The following UCK2 variants were observed in gnomAD, a reference collection of about 807,000 sequenced individuals.
The protein encoded by UCK2 is uridine-cytidine kinase 2, also known as cytidine monophosphokinase 2.
A neutral mutation model predicts 30.8 loss-of-function variants in UCK2; 6 were observed. That is an observed-to-expected ratio of 0.19 (90% CI 0.11 to 0.38). UCK2 has a LOEUF of 0.38. Among genes scored for constraint, UCK2 ranks in the 10% least tolerant of loss-of-function variants. The probability of loss-of-function intolerance (pLI) is 1.00; values close to 1 mark genes in which losing one functional copy is unlikely to be tolerated. For missense variants in UCK2, 210 were observed against 339.8 expected (o/e 0.62, Z 3.00); for synonymous variants, 125 against 133.6 (o/e 0.94, Z 0.45).
rs1647724062 is a variant in UCK2 at position 165,907,854 on chromosome 1, C to G, written c.*31C>G. 5 of 1,611,142 alleles carry G rather than the reference C, an allele frequency of 3.1e-6. No individual in the cohort carries two copies. The East Asian group carries it at 8.9e-5, about 29-fold the overall frequency. ...CTCCATCGGACCCCAGCCCCTATCT[C>G]CAAGAGACAGAGGAGGGGTCAGGAG... On this transcript the variant is annotated 3_prime_UTR_variant, in exon 7 of 7. Transcript: ENST00000367879.
At chr1:165,892,937 T>G (rs987179060) in intron 3 of UCK2, among the ~76,000 whole-genome samples, 1 of 151,674 alleles carries the variant, frequency 6.6e-6, no homozygotes. Context: ...TGGGAGTGGG[T>G]GTGTGGGAAG....
intron 1 of UCK2, among the ~76,000 whole-genome samples, chr1:165,852,807 G>C (rs1187670697): frequency 3.9e-5 from 6 of 152,064 alleles, no homozygotes; most frequent in Non-Finnish European, 8.8e-5. Context: ...AGAATGGGTG[G>C]GTATGTGGAC....
intron 4 of UCK2, chr1:165,900,406 G>C (rs903346416): frequency 2.6e-5 from 4 of 152,210 alleles, no homozygotes; most frequent in African/African-American, 9.7e-5. Flanking sequence ...AGGAACTTAA[G>C]ATTCAAAGAG....
intron 1 of UCK2, among the ~76,000 whole-genome samples, chr1:165,845,699 G>C (rs1246667611): frequency 6.6e-6 from 1 of 152,114 alleles, no homozygotes; most frequent in Non-Finnish European, 1.5e-5. Flanking sequence ...ACACAGTCTC[G>C]CTCTGTTGCC....
In UCK2 at chr1:165,909,661, G is replaced by T. The variant is rs559340258; in HGVS notation, c.*1838G>T. On this transcript the variant is annotated 3_prime_UTR_variant, in exon 7 of 7. Coordinates refer to ENST00000367879, the MANE Select transcript of UCK2 (RefSeq NM_012474.5). ...AGCCGCCTACTTGGAGCAAGGGAAG[G>T]CTCCCAAGATGCCTCCTTTGAAAGC... is the stretch of plus-strand genomic sequence containing the variant. 6.6e-6 allele frequency: 1 copy of T among 152,310 alleles called. No homozygotes were observed. Among genetic ancestry groups the T allele is most frequent in the Non-Finnish European group, 1.5e-5 (1 of 68,108 alleles). 9.4% of individuals were successfully genotyped at this position (152,310 alleles called of 1,614,324 possible).
intron 1 of UCK2, among the ~76,000 whole-genome samples, chr1:165,845,168 C>T (rs1001710931): frequency 2.0e-5 from 3 of 152,078 alleles, no homozygotes; most frequent in Admixed American, 6.6e-5. Context: ...CCAGGTAGAT[C>T]GTGTCAGAAT....
At chr1:165,868,137 T>C (rs1655093847) in intron 1 of UCK2, among the ~76,000 whole-genome samples, 1 of 152,216 alleles carries the variant, frequency 6.6e-6, no homozygotes, top group African/African-American at 2.4e-5. Flanking sequence ...GGAATCTTTT[T>C]TTATGAGCAA....
chr1:165,900,908 C>T (rs1342551807), intron 4 of UCK2, among the ~76,000 whole-genome samples: 3 of 152,202 alleles, frequency 2.0e-5, no homozygotes, highest in Non-Finnish European at 4.4e-5. Flanking sequence ...TGTTTTTTCC[C>T]TAGCTCTGAT....
intron 1 of UCK2, among the ~76,000 whole-genome samples, chr1:165,885,650 T>C (rs1042938366): frequency 5.3e-5 from 8 of 152,234 alleles, no homozygotes; most frequent in African/African-American, 1.9e-4. Flanking sequence ...TCAGTTTGCC[T>C]GTGAGACAGC....
intron 2 of UCK2, 108 bp downstream of exon 2, chr1:165,890,471 C>CAAGTCCCTACGTTCTAGA: frequency 8.6e-7 from 1 of 1,162,086 alleles, no homozygotes; most frequent in Non-Finnish European, 1.2e-6. Context: ...TTGTTTCTAT[C>CAAGTCCCTACGTTCTAGA]TAGAACGTAG....
chr1:165,863,394 G>T (rs1419569598), intron 1 of UCK2, among the ~76,000 whole-genome samples: 1 of 152,174 alleles, frequency 6.6e-6, no homozygotes, highest in Non-Finnish European at 1.5e-5. Context: ...TTCAGTTTTA[G>T]ATTTGCAGCA....
Position 165,907,768 on chromosome 1 carries a change from G to A in UCK2, c.731G>A (p.Gly244Asp). 6.2e-7 allele frequency: 1 copy of A among 1,614,100 alleles called. No homozygotes were observed. Among genetic ancestry groups the A allele is most frequent in the South Asian group, 1.1e-5 (1 of 91,074 alleles). Residue 244 changes from glycine to aspartate, a missense_variant, in exon 7 of 7, where the codon GGC (glycine) becomes GAC (aspartate). Physicochemically the swap from Gly to Asp is moderately conservative, Grantham distance 94. Coordinates refer to ENST00000367879, the MANE Select transcript of UCK2 (RefSeq NM_012474.5). ...CGGCAGACCAATGGCTGTCTCAACG[G>A]CTACACCCCTTCACGCAAGAGGCAG... ...SKRQTNGCLN[G>D]YTPSRKRQAS...
intron 1 of UCK2, among the ~76,000 whole-genome samples, chr1:165,848,559 C>CG (rs140041327): frequency 0.026 from 4,016 of 151,882 alleles, 181 homozygotes; most frequent in African/African-American, 0.092. Context: ...TTGAACCCAC[C>CG]GAGGCGGAGG....
chr1:165,903,372 C>G (rs1647545115), intron 5 of UCK2, 93 bp downstream of exon 5: 2 of 1,010,358 alleles, frequency 2.0e-6, no homozygotes, highest in East Asian at 5.1e-5. Context: ...GCTCCCCTGC[C>G]TGAATCTCAC....
At chr1:165,905,854 T>G (rs1450577449) in intron 5 of UCK2, 67 bp from the exon 6 acceptor site, 1 of 1,484,420 alleles carries the variant, frequency 6.7e-7, no homozygotes, top group African/African-American at 1.4e-5. Context: ...CCATATTCCC[T>G]TGGAGAGGGT....
At chr1:165,890,403 G>A in intron 2 of UCK2, 40 bp downstream of exon 2, 2 of 1,590,292 alleles carry the variant, frequency 1.3e-6, no homozygotes, top group Non-Finnish European at 1.7e-6. Flanking sequence ...CTGTATTGGT[G>A]TGTTGGGGGG....
At position 165,876,717 on chromosome 1, in the gene UCK2, C is replaced by T. The variant is rs145796493; in HGVS notation, c.100-13487C>T. ...GATGACTTAAAATGACAGATTCATT[C>T]TCTTATAGTGCTGGAGGCTGTAAGA... On this transcript the variant is annotated intron_variant, in intron 1 of 6. Coordinates refer to ENST00000367879, the MANE Select transcript of UCK2 (RefSeq NM_012474.5). 3.0e-3 allele frequency among the ~76,000 whole-genome samples: 464 copies of T among 152,300 alleles called. 4 individuals carry two copies. Among genetic ancestry groups the T allele is most frequent in the African/African-American group, 0.011 (448 of 41,566 alleles).
chr1:165,846,237 G>A (rs1240588225), intron 1 of UCK2, among the ~76,000 whole-genome samples: 1 of 152,190 alleles, frequency 6.6e-6, no homozygotes, highest in Non-Finnish European at 1.5e-5. Flanking sequence ...AGTAGTTTGA[G>A]GTTACAGTGA....
At chr1:165,844,182 C>G (rs907121604) in intron 1 of UCK2, among the ~76,000 whole-genome samples, 1 of 152,218 alleles carries the variant, frequency 6.6e-6, no homozygotes, top group African/African-American at 2.4e-5. Context: ...TCCAAAAAAC[C>G]TACTCTGCTC....
Sources: gnomAD v4.1 joint callset for allele counts (sites outside exome capture counted in the v4.1 genomes callset) on GRCh38, gnomAD v4.1.1 for gene constraint, MANE v1.5 for transcripts, NCBI Gene and HGNC (gene_info 2026-07-23, HGNC 2026-07-21) for gene names.